DAPK2: variants seen among roughly 807,000 people sequenced by gnomAD.
DAPK2 encodes the protein death associated protein kinase 2.
Under a neutral mutation model 44.1 loss-of-function variants are expected in DAPK2, and 35 were observed. The ratio of observed to expected loss-of-function variants is 0.79; its 90% CI spans 0.61 to 1.05. The LOEUF is 1.05. DAPK2 is among the 50% of genes least tolerant of loss of function. The probability of loss-of-function intolerance (pLI) is 0.00; values close to 1 mark genes in which losing one functional copy is unlikely to be tolerated. For missense variants in DAPK2, 453 were observed against 483.2 expected (o/e 0.94, Z 0.59); for synonymous variants, 174 against 182.6 (o/e 0.95, Z 0.38).
intron 2 of DAPK2, among the ~76,000 whole-genome samples, chr15:63,977,392 C>T (rs1380879697): frequency 6.6e-6 from 1 of 152,140 alleles, no homozygotes; most frequent in Non-Finnish European, 1.5e-5. Flanking sequence ...GTCTGCTCTG[C>T]AGACTGGGGT....
rs528916354 is a variant in DAPK2 at position 63,912,368 on chromosome 15, A to C, written c.859-171T>G. 2.2e-4 allele frequency among the ~76,000 whole-genome samples: 34 copies of C among 152,346 alleles called. No homozygotes were observed. In the South Asian group the frequency reaches 7.1e-3, roughly 32 times the overall value. On this transcript the variant is annotated intron_variant, in intron 8 of 10. Coordinates refer to ENST00000261891, the Ensembl canonical transcript of DAPK2. The surrounding 1 kb of genome is among the most constrained non-coding windows in gnomAD (Gnocchi z 4.4). ...GCATCACAGTCAGGGCAACAGCTAC[A>C]CATGTCTCAGCTGTTCAGGAGTTGC...
At chr15:63,919,027 G>T (rs1226085019) in intron 8 of DAPK2, 2 of 152,220 alleles carry the variant, frequency 1.3e-5, no homozygotes, top group African/African-American at 4.8e-5. Context: ...CTGAGGGCGT[G>T]TGGGGAGCAG....
At chr15:64,030,811 A>G (rs927968350) in intron 1 of DAPK2, among the ~76,000 whole-genome samples, 7 of 152,100 alleles carry the variant, frequency 4.6e-5, no homozygotes, top group African/African-American at 1.4e-4. Context: ...TCTACAAAAA[A>G]TTTTAAAATT....
chr15:63,923,005 C>T lies in DAPK2; in HGVS notation c.858+1811G>A. 2 of 1,535,930 alleles carry T rather than the reference C, an allele frequency of 1.3e-6. No homozygotes were observed. Among genetic ancestry groups the T allele is most frequent in the Non-Finnish European group, 1.7e-6 (2 of 1,146,750 alleles). On this transcript the variant is annotated intron_variant, in intron 8 of 10. Coordinates refer to ENST00000261891, the Ensembl canonical transcript of DAPK2. This position sits in a 1 kb window ranked among gnomAD's most constrained non-coding sequence, Gnocchi z 4.2. ...CCTGGATGTCTTCTCGCAGCAGCTT[C>T]TTCAATGACTCCACCTTGCGGAACT...
intron 1 of DAPK2, among the ~76,000 whole-genome samples, chr15:64,034,583 G>A (rs545611090): frequency 6.6e-6 from 1 of 152,282 alleles, no homozygotes; most frequent in East Asian, 1.9e-4. Flanking sequence ...GTAATGGTAA[G>A]GTAAGATCCT....
chr15:63,924,033 T>A (rs1391587420), intron 8 of DAPK2, among the ~76,000 whole-genome samples: 1 of 152,156 alleles, frequency 6.6e-6, no homozygotes, highest in Non-Finnish European at 1.5e-5. Flanking sequence ...ATTTCATCCT[T>A]GCTGGCCTTC....
At chr15:63,936,377 A>C (rs1446149037) in intron 4 of DAPK2, among the ~76,000 whole-genome samples, 1 of 151,802 alleles carries the variant, frequency 6.6e-6, no homozygotes, top group African/African-American at 2.4e-5. Context: ...TTGGGAGGCC[A>C]AGGCAGGGGG....
At chr15:64,012,787 G>A (rs2079421898) in intron 1 of DAPK2, among the ~76,000 whole-genome samples, 1 of 152,188 alleles carries the variant, frequency 6.6e-6, no homozygotes, top group Admixed American at 6.5e-5. Flanking sequence ...GACTAGAGAG[G>A]TTCAGGAGGA....
chr15:63,989,234 C>T (rs902804695), intron 1 of DAPK2, among the ~76,000 whole-genome samples: 6 of 149,754 alleles, frequency 4.0e-5, no homozygotes, highest in African/African-American at 1.5e-4. Flanking sequence ...GCACAACCTG[C>T]AGTCCCAGCT....
chr15:63,983,639 CCTCCCGGCTCACACCGCGCCGGCT>C, exon 2 of DAPK2: 1 of 1,614,142 alleles, frequency 6.2e-7, no homozygotes, highest in Non-Finnish European at 8.5e-7. Context: ...CGCTCGATCT[CCTCCCGGCTCACACCGCGCCGGCT>C]CGCCCGGCTC....
chr15:63,937,389 T>C (rs2077190543), intron 4 of DAPK2, among the ~76,000 whole-genome samples: 1 of 152,206 alleles, frequency 6.6e-6, no homozygotes, highest in African/African-American at 2.4e-5. Context: ...AGCATACCAC[T>C]GGGCAAAACT....
intron 2 of DAPK2, 89 bp downstream of exon 3, chr15:63,983,444 C>T: frequency 1.6e-6 from 2 of 1,241,936 alleles, no homozygotes; most frequent in South Asian, 1.3e-5. Flanking sequence ...CTGGTTGCTG[C>T]TGCCCCCTGG....
chr15:64,040,897 GAAA>G (rs3056980), upstream of DAPK2, among the ~76,000 whole-genome samples: 199 of 83,448 alleles, frequency 2.4e-3, no homozygotes, highest in East Asian at 0.016. Flanking sequence ...CTGGGCAACA[GAAA>G]AAAAAAAAAA....
intron 3 of DAPK2, among the ~76,000 whole-genome samples, chr15:63,941,509 T>G (rs929681933): frequency 6.6e-6 from 1 of 152,196 alleles, no homozygotes; most frequent in South Asian, 2.1e-4. Context: ...GCTGAACTGA[T>G]AGTGAATCTG....
At chr15:64,023,489 CAG>C (rs2079749940) in intron 1 of DAPK2, among the ~76,000 whole-genome samples, 1 of 152,212 alleles carries the variant, frequency 6.6e-6, no homozygotes, top group African/African-American at 2.4e-5. Flanking sequence ...AGAGAATTAA[CAG>C]AGCTGGGACA....
intron 1 of DAPK2, among the ~76,000 whole-genome samples, chr15:64,012,106 A>C (rs1026167345): frequency 1.3e-5 from 2 of 152,198 alleles, no homozygotes; most frequent in Non-Finnish European, 2.9e-5. Flanking sequence ...TACCATAAGG[A>C]ATCTTAAAAG....
At chr15:64,002,638 A>ATGCAAGTGAATATGCTT (rs2079111594) in intron 1 of DAPK2, among the ~76,000 whole-genome samples, 1 of 152,194 alleles carries the variant, frequency 6.6e-6, no homozygotes. Flanking sequence ...TCACATAGCA[A>ATGCAAGTGAATATGCTT]TGCAAGTGAA....
upstream of DAPK2, among the ~76,000 whole-genome samples, chr15:64,040,610 TAC>T (rs910437549): frequency 1.3e-5 from 2 of 151,996 alleles, no homozygotes; most frequent in African/African-American, 2.4e-5. Flanking sequence ...GCAGCTGTTG[TAC>T]AGTTTTTAAA....
chr15:64,026,000 T>C (rs1228006395), intron 1 of DAPK2, among the ~76,000 whole-genome samples: 11 of 152,194 alleles, frequency 7.2e-5, no homozygotes. Flanking sequence ...TGTAGGGCTA[T>C]AGTTTTCTGT....
Sources: gnomAD v4.1 joint callset for allele counts (sites outside exome capture counted in the v4.1 genomes callset) on GRCh38, gnomAD v4.1.1 for gene constraint, Gnocchi (gnomAD v3.1) non-coding constraint, MANE v1.5 for transcripts, NCBI Gene and HGNC (gene_info 2026-07-23, HGNC 2026-07-21) for gene names.